Variants in BAZ1A observed in about 807,000 individuals in gnomAD.
The protein encoded by BAZ1A is bromodomain adjacent to zinc finger domain protein 1A.
Under a neutral mutation model 185.2 loss-of-function variants are expected in BAZ1A, and 50 were observed. The ratio of observed to expected loss-of-function variants is 0.27; its 90% CI spans 0.22 to 0.34. The LOEUF is 0.34. BAZ1A is among the 10% of genes least tolerant of loss of function. The pLI, the probability that BAZ1A is intolerant of heterozygous loss-of-function variation, is 1.00. For synonymous variants in BAZ1A, 571 were observed against 615.6 expected, an observed-to-expected ratio of 0.93 and a Z score of 1.07; for missense variants, 1,356 against 1,839.9, an observed-to-expected ratio of 0.74 and a Z score of 4.81.
At chr14:34,755,062 T>A (rs1406479123) in intron 25 of BAZ1A, 148 bp from the exon 26 acceptor site, 1 of 539,210 alleles carries the variant, frequency 1.9e-6, no homozygotes, top group Non-Finnish European at 3.3e-6. Flanking sequence ...TATATAGATA[T>A]ATATGTCTAT....
At position 34,791,082 on chromosome 14, in the gene BAZ1A, A is replaced by G. The variant is rs1474861286; in HGVS notation, c.1510+1693T>C. 1.4e-4 allele frequency among the ~76,000 whole-genome samples: 21 copies of G among 152,142 alleles called. 1 individual carries two copies. Among genetic ancestry groups the G allele is most frequent in the Admixed American group, 1.4e-3 (21 of 15,276 alleles). Reference sequence around the variant, plus strand: ...GGTTACAGTGAGTCAAGATTGTGCCATTGCACTCCAGCCTGGGCAACAAGA... The same window carrying G: ...GGTTACAGTGAGTCAAGATTGTGCCGTTGCACTCCAGCCTGGGCAACAAGA... On this transcript the variant is annotated intron_variant, in intron 12 of 26. Coordinates refer to ENST00000360310, the MANE Select transcript of BAZ1A (RefSeq NM_013448.3).
intron 3 of BAZ1A, among the ~76,000 whole-genome samples, chr14:34,843,169 C>T (rs1399113404): frequency 6.6e-6 from 1 of 151,566 alleles, no homozygotes; most frequent in Non-Finnish European, 1.5e-5. Context: ...CTTCACTTGT[C>T]TGACAAATAT....
chr14:34,796,180 A>ACACACAC (rs2138643187), intron 9 of BAZ1A, among the ~76,000 whole-genome samples: 1 of 151,682 alleles, frequency 6.6e-6, no homozygotes, highest in East Asian at 1.9e-4. Flanking sequence ...ACACACACAC[A>ACACACAC]CACACACACA....
chr14:34,772,144 C>T (rs1004977010), intron 20 of BAZ1A, among the ~76,000 whole-genome samples: 2 of 151,824 alleles, frequency 1.3e-5, no homozygotes, highest in Admixed American at 6.6e-5. Context: ...TTAGTAGAGA[C>T]GGGGTTTCAC....
At chr14:34,869,926 C>A (rs572970057) in intron 2 of BAZ1A, among the ~76,000 whole-genome samples, 1 of 152,198 alleles carries the variant, frequency 6.6e-6, no homozygotes, top group African/African-American at 2.4e-5. Flanking sequence ...AAAGACCACA[C>A]GGTAACTAAA....
intron 3 of BAZ1A, among the ~76,000 whole-genome samples, chr14:34,834,754 TC>T (rs1839339875): frequency 6.6e-6 from 1 of 152,176 alleles, no homozygotes; most frequent in African/African-American, 2.4e-5. Context: ...TCTATGTCTT[TC>T]ACAGCTACTT....
intron 3 of BAZ1A, among the ~76,000 whole-genome samples, chr14:34,835,647 G>A (rs1010600176): frequency 1.3e-5 from 2 of 151,056 alleles, no homozygotes; most frequent in Admixed American, 1.3e-4. Flanking sequence ...TCATAAATCT[G>A]TAATAAGCTG....
chr14:34,809,900 A>G (rs2041906149), intron 5 of BAZ1A, among the ~76,000 whole-genome samples: 1 of 152,172 alleles, frequency 6.6e-6, no homozygotes, highest in Admixed American at 6.5e-5. Context: ...CATAAACTAA[A>G]CAAATTTTTA....
At chr14:34,843,556 C>A (rs80137951) in intron 3 of BAZ1A, among the ~76,000 whole-genome samples, 3,317 of 152,230 alleles carry the variant, frequency 0.022, 142 homozygotes, top group African/African-American at 0.076. Context: ...TCAGCCCAGA[C>A]TCTAAGAACA....
chr14:34,774,042 T>G (rs1298654751), intron 19 of BAZ1A, among the ~76,000 whole-genome samples: 1 of 152,104 alleles, frequency 6.6e-6, no homozygotes, highest in Non-Finnish European at 1.5e-5. Flanking sequence ...AATTACAGAT[T>G]TTAAAAAGGT....
At chr14:34,789,660 T>C (rs777842776) in intron 12 of BAZ1A, among the ~76,000 whole-genome samples, 2 of 152,202 alleles carry the variant, frequency 1.3e-5, no homozygotes, top group Non-Finnish European at 2.9e-5. Context: ...TAGTTCATGA[T>C]ATAAGACTAA....
chr14:34,851,416 G>T (rs2042595011), intron 3 of BAZ1A, among the ~76,000 whole-genome samples: 1 of 145,424 alleles, frequency 6.9e-6, no homozygotes, highest in Admixed American at 6.9e-5. Context: ...CCAAATTTAT[G>T]ATTATAGTTT....
intron 3 of BAZ1A, among the ~76,000 whole-genome samples, chr14:34,840,394 C>T (rs1236447901): frequency 6.6e-6 from 1 of 152,016 alleles, no homozygotes; most frequent in African/African-American, 2.4e-5. Context: ...GATTTATGTA[C>T]ATCAAAATAA....
rs1229898686 is a variant in BAZ1A, at chr14:34,836,196, G to A, written c.393-10040C>T. 3.7e-4 allele frequency among the ~76,000 whole-genome samples: 12 copies of A among 32,142 alleles called. 4 individuals carry two copies. Among genetic ancestry groups the A allele is most frequent in the East Asian group, 6.8e-4 (1 of 1,462 alleles). 21.1% of individuals were successfully genotyped at this position (32,142 alleles called of 152,430 possible). Reference sequence around the variant, plus strand: ...AGATCGAGACCATCCTGGCTAACACGGTGAAACCCCGTCTCTACTAAAAAT... The same window carrying A: ...AGATCGAGACCATCCTGGCTAACACAGTGAAACCCCGTCTCTACTAAAAAT... On this transcript the variant is annotated intron_variant, in intron 3 of 26. Transcript: ENST00000360310.
intron 3 of BAZ1A, among the ~76,000 whole-genome samples, chr14:34,853,659 C>T (rs1417019232): frequency 2.6e-5 from 4 of 152,114 alleles, no homozygotes; most frequent in Admixed American, 6.6e-5. Flanking sequence ...TGGTGGCACA[C>T]GCCTGTAATC....
rs554250223 is a variant in BAZ1A, at chr14:34,821,081, T to C, written c.536+4932A>G. Among the ~76,000 whole-genome samples, 21 of 152,332 alleles carry C rather than the reference T, an allele frequency of 1.4e-4. 1 individual carries two copies. In the South Asian group the frequency reaches 4.3e-3, roughly 32 times the overall value. On this transcript the variant is annotated intron_variant, in intron 4 of 26. Transcript: ENST00000360310. ...ATAAACTTTATAATCAGTTTGCTGA[T>C]ATCCACAAAATAACTTGCGGGGATT...
At chr14:34,797,180 T>TA (rs964958586) in intron 9 of BAZ1A, among the ~76,000 whole-genome samples, 2 of 152,206 alleles carry the variant, frequency 1.3e-5, no homozygotes, top group South Asian at 2.1e-4. Flanking sequence ...TCATGTTAGA[T>TA]AAAAAAAGCA....
rs904835899 is a variant in BAZ1A, at chr14:34,844,795, A to G, written c.392+17249T>C. On this transcript the variant is annotated intron_variant, in intron 3 of 26. Coordinates refer to ENST00000360310, the MANE Select transcript of BAZ1A (RefSeq NM_013448.3). ...CACACGCGCACACACACACACACAC[A>G]CACACACACACACACACAAAATCCA... Among the ~76,000 whole-genome samples, 97 of 151,612 alleles carry G rather than the reference A, an allele frequency of 6.4e-4. 2 individuals are homozygous for G. In the South Asian group the frequency reaches 0.019, roughly 30 times the overall value.
chr14:34,784,251 C>G lies in BAZ1A; in HGVS notation c.1832-324G>C, dbSNP rs572169295. ...GATGTGGTGGTATGTGCCTGTAGTCCCAGCTGCTTGGGAGGCTGAGGTTGG... is the reference window on the plus strand; with the variant it reads ...GATGTGGTGGTATGTGCCTGTAGTCGCAGCTGCTTGGGAGGCTGAGGTTGG... On this transcript the variant is annotated intron_variant, in intron 14 of 26. Transcript: ENST00000360310. Among the ~76,000 whole-genome samples the G allele has an allele frequency of 1.4e-4, 21 of 150,844 alleles. 1 individual carries two copies. In the South Asian group the frequency reaches 4.4e-3, roughly 32 times the overall value.
Sources: gnomAD v4.1 joint callset for allele counts (sites outside exome capture counted in the v4.1 genomes callset) on GRCh38, gnomAD v4.1.1 for gene constraint, MANE v1.5 for transcripts, NCBI Gene and HGNC (gene_info 2026-07-23, HGNC 2026-07-21) for gene names.